ZNF618: variants seen among roughly 807,000 people sequenced by gnomAD.
The protein encoded by ZNF618 is zinc finger protein 618.
In ZNF618, 34 loss-of-function variants were observed where a neutral mutation model predicts 103.0. The ratio of observed to expected loss-of-function variants is 0.33; its 90% CI spans 0.25 to 0.44. The LOEUF is 0.44. Among genes scored for constraint, ZNF618 ranks in the 20% least tolerant of loss-of-function variants. ZNF618 has a pLI of 1.00. For missense variants in ZNF618, 1,059 were observed against 1,295.4 expected, an observed-to-expected ratio of 0.82 and a Z score of 2.80; for synonymous variants, 551 against 542.2, an observed-to-expected ratio of 1.02 and a Z score of -0.23.
chr9:113,988,473 A>G lies in ZNF618; in HGVS notation c.230A>G (p.Gln77Arg). Residue 77 changes from glutamine to arginine, a missense_variant, in exon 3 of 15, where the codon CAG (glutamine) becomes CGG (arginine). By Grantham distance (43) the Gln-to-Arg change is conservative (BLOSUM62 1). Around this residue, in one of 6 missense-constraint regions of ZNF618, gnomAD observed 194 missense variants for 209.0 expected, o/e 0.93. Transcript: ENST00000374126. ...GACTACATCCAGGAGGTGATCTGGC[A>G]GGGCGAGGCCAAGGAGGAGAAGAAG... is the stretch of plus-strand genomic sequence containing the variant. ...PDDYIQEVIW[Q>R]GEAKEEKKAV... 3 of 1,613,570 alleles carry G rather than the reference A, an allele frequency of 1.9e-6. No individual in the cohort carries two copies. The highest frequency in any genetic ancestry group is 2.5e-6 in the Non-Finnish European group (3 of 1,179,884).
rs1490602097 is a variant in ZNF618, at chr9:114,007,310, G to GA, written c.551-38dup. 1.9e-6 allele frequency: 3 copies of GA among 1,593,006 alleles called. No homozygotes were observed. The African/African-American group carries it at 4.0e-5, about 21-fold the overall frequency. ...CAGAAAAACCCCACCCCACAAGACT[G>GA]AAGCCCTGGTAACCAGGTGTGTGTT... On this transcript the variant is annotated intron_variant, in intron 6 of 14. Transcript: ENST00000374126.
rs1370352173 is a variant in ZNF618, at chr9:114,053,180, AAAG to A, written c.*3015_*3017del. ...TGCAACTAACAGCTTAATAAAACCCAAAGATCTCACAGGTCCAGCCACTGGCCC... is the reference window on the plus strand; with the variant it reads ...TGCAACTAACAGCTTAATAAAACCCAATCTCACAGGTCCAGCCACTGGCCC... On this transcript the variant is annotated 3_prime_UTR_variant, in exon 15 of 15. Coordinates refer to ENST00000374126, the MANE Select transcript of ZNF618 (RefSeq NM_001318042.2). The A allele has an allele frequency of 6.6e-6, 1 of 152,600 alleles. No individual in the cohort carries two copies. The highest frequency in any genetic ancestry group is 2.4e-5 in the African/African-American group (1 of 41,456). The allele number at this position is 152,600 out of a possible 1,614,324, so 9.5% of individuals were successfully genotyped here.
chr9:114,032,803 G>A, intron 12 of ZNF618, 75 bp downstream of exon 12: 4 of 1,332,794 alleles, frequency 3.0e-6, no homozygotes, highest in Non-Finnish European at 4.3e-6. Flanking sequence ...AGCCGCGGCA[G>A]CATCCTGTGG....
chr9:113,899,295 C>T (rs1830310890), intron 1 of ZNF618, among the ~76,000 whole-genome samples: 1 of 152,176 alleles, frequency 6.6e-6, no homozygotes. Flanking sequence ...AACAGCCACT[C>T]CCCATTTCCC....
chr9:113,994,278 G>A (rs769580050), intron 3 of ZNF618, among the ~76,000 whole-genome samples: 9 of 152,328 alleles, frequency 5.9e-5, no homozygotes, highest in Non-Finnish European at 8.8e-5. Flanking sequence ...CCCAGGCAGC[G>A]TAGGTGCCAG....
rs371918522 is a variant in ZNF618, at chr9:114,049,927, C to T, written c.2625C>T (p.Tyr875=). 36 of 1,613,786 alleles carry T rather than the reference C, an allele frequency of 2.2e-5. No individual in the cohort carries two copies. Among genetic ancestry groups the T allele is most frequent in the East Asian group, 6.7e-5 (3 of 44,882 alleles). Residue 875 remains tyrosine (Y), a synonymous_variant, in exon 15 of 15, where the codon TAC becomes TAT. Transcript: ENST00000374126. ...EDDRLGKNEV[Y]DYLQEPLFQA... ...ATCGGCTAGGCAAAAATGAAGTGTA[C>T]GATTACCTGCAGGAGCCCCTCTTCC...
intron 13 of ZNF618, 75 bp from the exon 14 acceptor site, chr9:114,047,818 A>C: frequency 1.5e-6 from 2 of 1,295,838 alleles, no homozygotes; most frequent in Non-Finnish European, 2.2e-6. Flanking sequence ...TACCCACCAC[A>C]CTCTAGTTCT....
intron 1 of ZNF618, among the ~76,000 whole-genome samples, chr9:113,878,675 G>A (rs1329372670): frequency 6.6e-6 from 1 of 152,146 alleles, no homozygotes; most frequent in African/African-American, 2.4e-5. Context: ...ATATTGTTAG[G>A]ACTTGCAGGG....
intron 1 of ZNF618, among the ~76,000 whole-genome samples, chr9:113,889,666 A>C (rs796703022): frequency 2.0e-5 from 3 of 152,308 alleles, no homozygotes; most frequent in African/African-American, 7.2e-5. Context: ...TTTGGAAAAC[A>C]AGGGCCACCA....
chr9:114,037,562 A>G (rs1471318853), intron 13 of ZNF618, among the ~76,000 whole-genome samples: 3 of 152,220 alleles, frequency 2.0e-5, no homozygotes, highest in Non-Finnish European at 2.9e-5. Context: ...GGCATTAGAA[A>G]TAATGGGTGA....
At position 114,036,344 on chromosome 9, in the gene ZNF618, A is replaced by G. The variant is rs1844604974; in HGVS notation, c.1213A>G (p.Asn405Asp). The G allele has an allele frequency of 3.2e-6, 5 of 1,584,836 alleles. No individual in the cohort carries two copies. The highest frequency in any genetic ancestry group is 3.4e-6 in the Non-Finnish European group (4 of 1,165,032). The change falls in exon 13 of 15, where the codon AAC (asparagine) becomes GAC (aspartate). Residue 405 changes from asparagine (N) to aspartate (D), a missense_variant. Around this residue, in one of 6 missense-constraint regions of ZNF618, gnomAD observed 434 missense variants for 476.0 expected, o/e 0.91. Transcript: ENST00000374126. The part of the protein sequence containing the change: ...GACGIQFQFY[N>D]NLLEHMQSHA... Reference sequence around the variant, plus strand: ...CTGTGGGATCCAGTTCCAGTTCTACAACAACCTGTTGGAGCACATGCAGTC... The same window carrying G: ...CTGTGGGATCCAGTTCCAGTTCTACGACAACCTGTTGGAGCACATGCAGTC...
chr9:114,016,641 T>G, intron 9 of ZNF618, 54 bp from the exon 10 acceptor site: 3 of 1,453,902 alleles, frequency 2.1e-6, no homozygotes, highest in Non-Finnish European at 2.9e-6. Context: ...ACGCTGATGC[T>G]TCTTGGTGGA....
Position 113,977,682 on chromosome 9 carries a change from C to T in ZNF618, c.77+8522C>T, listed in dbSNP as rs1360913913. Among the ~76,000 whole-genome samples the T allele has an allele frequency of 4.6e-5, 7 of 152,152 alleles. No homozygotes were observed. The East Asian group carries it at 5.8e-4, about 13-fold the overall frequency. The stretch of plus-strand genomic sequence containing the variant: ...CACCATTGCCAGACCCATTGGTAAA[C>T]GAAGGTAGCGTGTCTGTTTAAAATG... On this transcript the variant is annotated intron_variant, in intron 2 of 14. Transcript: ENST00000374126.
intron 10 of ZNF618, among the ~76,000 whole-genome samples, chr9:114,022,690 C>G (rs1564310899): frequency 6.8e-6 from 1 of 147,744 alleles, no homozygotes; most frequent in Admixed American, 6.7e-5. Flanking sequence ...CTCTTTCCCA[C>G]TTTCTTTTTT....
In ZNF618 at chr9:114,049,884, C is replaced by G. The variant is rs867430485; in HGVS notation, c.2582C>G (p.Pro861Arg). The G allele has an allele frequency of 1.2e-6, 2 of 1,613,946 alleles. No individual in the cohort carries two copies. The highest frequency in any genetic ancestry group is 4.5e-5 in the East Asian group (2 of 44,880). Residue 861 changes from proline (P) to arginine (R), a missense_variant, in exon 15 of 15, where the codon CCC (proline) becomes CGC (arginine). Transcript: ENST00000374126. Reference sequence around the variant, plus strand: ...CCCCGCTCTGCTGCCGTCGAGAACCCCGCAGCTCAGGAAGATGATCGGCTA... The same window carrying G: ...CCCCGCTCTGCTGCCGTCGAGAACCGCGCAGCTCAGGAAGATGATCGGCTA... ...KKPRSAAVENPAAQEDDRLGK... is the reference protein window; with the variant it reads ...KKPRSAAVENRAAQEDDRLGK...
At position 114,051,634 on chromosome 9, in the gene ZNF618, C is replaced by T. The variant is rs1177221112; in HGVS notation, c.*1467C>T. The T allele has an allele frequency of 1.3e-5, 2 of 152,394 alleles. No individual in the cohort carries two copies. Among genetic ancestry groups the T allele is most frequent in the Admixed American group, 1.3e-4 (2 of 15,286 alleles). The allele number at this position is 152,394 out of a possible 1,614,324, so 9.4% of individuals were successfully genotyped here. ...CCACAGCCCTCGGGGTCCTCACTCACACCTCCGACTTCCAGGACGGCAGTG... is the reference window on the plus strand; with the variant it reads ...CCACAGCCCTCGGGGTCCTCACTCATACCTCCGACTTCCAGGACGGCAGTG... On this transcript the variant is annotated 3_prime_UTR_variant, in exon 15 of 15. Coordinates refer to ENST00000374126, the MANE Select transcript of ZNF618 (RefSeq NM_001318042.2).
chr9:114,036,489 T>A, intron 13 of ZNF618, 112 bp downstream of exon 13: 1 of 1,142,554 alleles, frequency 8.8e-7, no homozygotes, highest in Non-Finnish European at 1.3e-6. Flanking sequence ...TCCTGGAAAA[T>A]GGTCACAGGA....
In ZNF618 at chr9:114,001,985, C is replaced by T; in HGVS notation, c.434-11C>T. On this transcript the variant is annotated splice_polypyrimidine_tract_variant and intron_variant, in intron 4 of 14. Transcript: ENST00000374126. ...GTTGGGTGACCAGTCCTTTCCTCTT[C>T]TGTTTTCCAGGGTCTTACGAATGCG... 1 of 1,613,492 alleles carries T rather than the reference C, an allele frequency of 6.2e-7. No homozygotes were observed. The highest frequency in any genetic ancestry group is 8.5e-7 in the Non-Finnish European group (1 of 1,179,450).
At chr9:113,952,415 C>T (rs879282353) in intron 1 of ZNF618, among the ~76,000 whole-genome samples, 18 of 152,314 alleles carry the variant, frequency 1.2e-4, no homozygotes, top group African/African-American at 4.3e-4. Context: ...TGTCTGTCCA[C>T]CCCCTGATGA....
Sources: gnomAD v4.1 joint callset for allele counts (sites outside exome capture counted in the v4.1 genomes callset) on GRCh38, gnomAD v4.1.1 for gene constraint, gnomAD v4.1.1 regional missense constraint, MANE v1.5 for transcripts, NCBI Gene and HGNC (gene_info 2026-07-23, HGNC 2026-07-21) for gene names.